CHRM3: variants seen among roughly 807,000 people sequenced by gnomAD.
CHRM3 encodes cholinergic receptor muscarinic 3.
CHRM3 carries 11 observed loss-of-function variants against 41.8 expected under a neutral mutation model. The ratio of observed to expected loss-of-function variants is 0.26; its 90% CI spans 0.17 to 0.44. The LOEUF is 0.44. Among genes scored for constraint, CHRM3 ranks in the 20% least tolerant of loss-of-function variants. The pLI is 1.00. For synonymous variants in CHRM3, 297 were observed against 301.4 expected (o/e 0.99, Z 0.15); for missense variants, 571 against 745.4 (o/e 0.77, Z 2.72).
At chr1:239,643,173 C>G (rs1407299526) in intron 4 of CHRM3, among the ~76,000 whole-genome samples, 2 of 152,146 alleles carry the variant, frequency 1.3e-5, no homozygotes, top group Non-Finnish European at 2.9e-5. Context: ...CAGTCTGCCC[C>G]TACTGGGGGG....
chr1:239,718,840 C>A (rs528131354), intron 5 of CHRM3: 1 of 152,064 alleles, frequency 6.6e-6, no homozygotes, highest in East Asian at 1.9e-4. Context: ...TAAAGAGGAA[C>A]AGGCATTATA....
chr1:239,737,716 T>A (rs1352837693), intron 5 of CHRM3, among the ~76,000 whole-genome samples: 1 of 152,158 alleles, frequency 6.6e-6, no homozygotes, highest in Non-Finnish European at 1.5e-5. Context: ...GTTATGCTGC[T>A]CTCTGTGTTG....
intron 6 of CHRM3, among the ~76,000 whole-genome samples, chr1:239,906,191 G>C (rs1558228834): frequency 6.6e-6 from 1 of 152,170 alleles, no homozygotes; most frequent in African/African-American, 2.4e-5. Context: ...GTGTGAATCT[G>C]ACTACTGCTT....
chr1:239,482,040 T>A (rs1272078476), intron 1 of CHRM3, among the ~76,000 whole-genome samples: 1 of 152,186 alleles, frequency 6.6e-6, no homozygotes, highest in Non-Finnish European at 1.5e-5. Context: ...AGACAATTCT[T>A]TTTTCTATTA....
intron 2 of CHRM3, among the ~76,000 whole-genome samples, chr1:239,501,308 A>G (rs749365159): frequency 2.6e-5 from 4 of 152,220 alleles, no homozygotes; most frequent in Non-Finnish European, 5.9e-5. Flanking sequence ...ATTTTATCCA[A>G]CGACTGCAGA....
intron 6 of CHRM3, among the ~76,000 whole-genome samples, chr1:239,872,290 T>G (rs2149326241): frequency 6.6e-6 from 1 of 152,354 alleles, no homozygotes; most frequent in Non-Finnish European, 1.5e-5. Context: ...CCGAAAGGCC[T>G]TAGTTTTCAT....
chr1:239,520,172 C>T (rs1202596593), intron 2 of CHRM3, among the ~76,000 whole-genome samples: 1 of 151,892 alleles, frequency 6.6e-6, no homozygotes, highest in African/African-American at 2.4e-5. Flanking sequence ...ATTCTTATAC[C>T]CAAGAAATAC....
intron 5 of CHRM3, among the ~76,000 whole-genome samples, chr1:239,798,940 G>A (rs182680282): frequency 3.3e-5 from 5 of 152,188 alleles, no homozygotes; most frequent in East Asian, 1.9e-4. Flanking sequence ...GCAGCGAAGC[G>A]TTGTTTGAAG....
At chr1:239,681,493 A>G (rs1183511451) in intron 5 of CHRM3, among the ~76,000 whole-genome samples, 7 of 152,178 alleles carry the variant, frequency 4.6e-5, no homozygotes, top group Admixed American at 2.0e-4. Flanking sequence ...TTACACCATC[A>G]GTGTAAAAAT....
chr1:239,674,772 A>C (rs916770400), intron 4 of CHRM3, among the ~76,000 whole-genome samples: 1 of 151,740 alleles, frequency 6.6e-6, no homozygotes, highest in Non-Finnish European at 1.5e-5. Context: ...TCAAATCCCA[A>C]CTCAGGCCAT....
chr1:239,861,184 A>C (rs558716981), intron 6 of CHRM3, among the ~76,000 whole-genome samples: 4 of 152,286 alleles, frequency 2.6e-5, no homozygotes, highest in Admixed American at 2.0e-4. Context: ...ACAAGCTATG[A>C]AGCTTATAAA....
At chr1:239,600,628 A>G (rs1665402370) in intron 3 of CHRM3, among the ~76,000 whole-genome samples, 1 of 151,982 alleles carries the variant, frequency 6.6e-6, no homozygotes, top group Non-Finnish European at 1.5e-5. Flanking sequence ...ATGTGCAACA[A>G]CCTATAAATA....
chr1:239,445,773 A>G (rs958325189), intron 1 of CHRM3, among the ~76,000 whole-genome samples: 9 of 152,308 alleles, frequency 5.9e-5, no homozygotes, highest in East Asian at 1.9e-4. Context: ...CCATTGAGCC[A>G]GTTAATATGA....
chr1:239,393,580 A>T (rs1433623305), intron 1 of CHRM3, among the ~76,000 whole-genome samples: 3 of 152,116 alleles, frequency 2.0e-5, no homozygotes, highest in African/African-American at 4.8e-5. Context: ...CTCACCCCAG[A>T]TCCTTTCCAT....
chr1:239,752,455 G>C (rs1665907529), intron 5 of CHRM3, among the ~76,000 whole-genome samples: 1 of 152,076 alleles, frequency 6.6e-6, no homozygotes, highest in African/African-American at 2.4e-5. Flanking sequence ...TTCTAGTTTT[G>C]ATTTTTTTCT....
chr1:239,454,011 G>A (rs1664751019), intron 1 of CHRM3, among the ~76,000 whole-genome samples: 1 of 152,118 alleles, frequency 6.6e-6, no homozygotes, highest in African/African-American at 2.4e-5. Context: ...TTATCCTACT[G>A]TACCCTCAAC....
At chr1:239,564,977 G>A (rs1181605115) in intron 3 of CHRM3, among the ~76,000 whole-genome samples, 1 of 152,132 alleles carries the variant, frequency 6.6e-6, no homozygotes, top group African/African-American at 2.4e-5. Context: ...GAGGCTCCAG[G>A]GGAGAATCCT....
intron 4 of CHRM3, among the ~76,000 whole-genome samples, chr1:239,677,985 G>A (rs73109158): frequency 0.011 from 1,641 of 152,304 alleles, 23 homozygotes; most frequent in African/African-American, 0.032. Flanking sequence ...GCTGTGGATC[G>A]CGCCCTCAGC....
intron 4 of CHRM3, among the ~76,000 whole-genome samples, chr1:239,668,454 C>T (rs1010198781): frequency 6.6e-6 from 1 of 152,102 alleles, no homozygotes; most frequent in African/African-American, 2.4e-5. Context: ...AATGTTTAGT[C>T]TGAGCATTGC....
Sources: gnomAD v4.1 joint callset for allele counts (sites outside exome capture counted in the v4.1 genomes callset) on GRCh38, gnomAD v4.1.1 for gene constraint, MANE v1.5 for transcripts, NCBI Gene and HGNC (gene_info 2026-07-23, HGNC 2026-07-21) for gene names.